MYOM2: variants seen among roughly 807,000 people sequenced by gnomAD.
MYOM2 encodes the protein myomesin-2.
Under a neutral mutation model 187.6 loss-of-function variants are expected in MYOM2, and 254 were observed. The observed-to-expected ratio is 1.35, with a 90% confidence interval of 1.22 to 1.50. MYOM2 has a LOEUF of 1.50. Ranked by LOEUF, MYOM2 falls within the 40% of genes most tolerant of loss-of-function variation. The pLI, the probability that MYOM2 is intolerant of heterozygous loss-of-function variation, is 0.00. For synonymous variants in MYOM2, 981 were observed against 753.8 expected, an observed-to-expected ratio of 1.30 and a Z score of -4.94; for missense variants, 2,796 against 1,924.0, an observed-to-expected ratio of 1.45 and a Z score of -8.48.
At chr8:2,076,050 A>C in intron 10 of MYOM2, 91 bp from the exon 11 acceptor site, 1 of 1,255,236 alleles carries the variant, frequency 8.0e-7, no homozygotes, top group Non-Finnish European at 1.1e-6. Context: ...TCAAGGGGAT[A>C]GAATTGGAGC....
Position 2,143,454 on chromosome 8 carries a change from A to C in MYOM2, c.4078A>C (p.Lys1360Gln), listed in dbSNP as rs1798349645. 1 of 1,613,846 alleles carries C rather than the reference A, an allele frequency of 6.2e-7. No homozygotes were observed. The highest frequency in any genetic ancestry group is 1.3e-5 in the African/African-American group (1 of 74,830). ...TGACGTGGTGACCATCATGGAAGGG[A>C]AGGTGAGGATTCTAAACTCGGCCGG... ...LPDVVTIMEG[K>Q]TLNLTCTVFG... is the part of the protein sequence containing the mutation. The change falls in exon 36 of 37, where the codon AAG (lysine) becomes CAG (glutamine). Residue 1360 changes from lysine (K) to glutamine (Q), a missense_variant and splice_region_variant. Physicochemically the swap from Lys to Gln is moderately conservative, Grantham distance 53. Transcript: ENST00000262113.
chr8:2,141,029 CT>C, intron 33 of MYOM2, 111 bp from the exon 34 acceptor site: 11 of 1,318,956 alleles, frequency 8.3e-6, no homozygotes, highest in Non-Finnish European at 1.0e-5. Context: ...TAAATTTATT[CT>C]TTTTTTATAT....
At chr8:2,104,306 T>C (rs1023556674) in intron 21 of MYOM2, among the ~76,000 whole-genome samples, 6 of 152,160 alleles carry the variant, frequency 3.9e-5, no homozygotes, top group African/African-American at 1.4e-4. Flanking sequence ...TAATTGTTTT[T>C]AAAAGTTTAT....
At chr8:2,118,061 G>C (rs1797307357) in intron 28 of MYOM2, 109 bp downstream of exon 28, 3 of 929,834 alleles carry the variant, frequency 3.2e-6, no homozygotes, top group East Asian at 5.0e-5. Flanking sequence ...GTGAGGAAAC[G>C]TGTGGTGCCT....
chr8:2,095,407 T>C (rs980370681), intron 17 of MYOM2, among the ~76,000 whole-genome samples: 5 of 151,698 alleles, frequency 3.3e-5, no homozygotes, highest in Admixed American at 1.3e-4. Flanking sequence ...TCCTCATGCC[T>C]CAGCCTCCTG....
chr8:2,140,324 G>A (rs765736778), intron 32 of MYOM2, among the ~76,000 whole-genome samples: 2 of 151,972 alleles, frequency 1.3e-5, no homozygotes, highest in Non-Finnish European at 2.9e-5. Flanking sequence ...GGTCGTGAAC[G>A]ATACTACGAA....
intron 16 of MYOM2, among the ~76,000 whole-genome samples, 200 bp downstream of exon 16, chr8:2,092,720 C>G (rs189548678): frequency 1.3e-5 from 2 of 151,806 alleles, no homozygotes; most frequent in African/African-American, 4.8e-5. Context: ...TCATGTCGAC[C>G]GAAACGATTT....
intron 25 of MYOM2, 115 bp from the exon 26 acceptor site, chr8:2,115,845 T>G (rs549971723): frequency 2.7e-5 from 33 of 1,209,186 alleles, no homozygotes; most frequent in Non-Finnish European, 3.7e-5. Context: ...CATTTTGGTT[T>G]CTTCCTATCA....
intron 25 of MYOM2, among the ~76,000 whole-genome samples, chr8:2,112,069 C>G (rs1170863398): frequency 6.6e-6 from 1 of 152,156 alleles, no homozygotes; most frequent in African/African-American, 2.4e-5. Flanking sequence ...CTGTTGGGAG[C>G]TTGGGCGGTC....
At chr8:2,131,019 A>C (rs972026743) in intron 32 of MYOM2, among the ~76,000 whole-genome samples, 1 of 152,182 alleles carries the variant, frequency 6.6e-6, no homozygotes, top group Non-Finnish European at 1.5e-5. Flanking sequence ...AAACACGTTC[A>C]TCTTCTGGGA....
intron 3 of MYOM2, among the ~76,000 whole-genome samples, chr8:2,057,054 C>T (rs946005562): frequency 2.0e-5 from 3 of 152,194 alleles, no homozygotes; most frequent in Admixed American, 6.5e-5. Context: ...AAGCGGTTTG[C>T]AGTTGTGCAC....
chr8:2,054,688 G>A (rs958006129), intron 3 of MYOM2, among the ~76,000 whole-genome samples: 5 of 152,154 alleles, frequency 3.3e-5, no homozygotes, highest in Admixed American at 6.6e-5. Context: ...AAAAGTAAAC[G>A]GTGTCAAGAG....
intron 14 of MYOM2, among the ~76,000 whole-genome samples, chr8:2,086,442 CCT>C (rs1299480724): frequency 6.9e-5 from 10 of 144,622 alleles, no homozygotes; most frequent in African/African-American, 2.8e-4. Context: ...TGCGTGGCCC[CCT>C]ACTGTCGTGA....
chr8:2,081,556 C>T (rs11996365), intron 13 of MYOM2, among the ~76,000 whole-genome samples: 14,767 of 152,258 alleles, frequency 0.097, 794 homozygotes, highest in African/African-American at 0.14. Context: ...CAAAAATGAC[C>T]CACGGTGAGA....
At chr8:2,108,973 T>G (rs1353537673) in intron 24 of MYOM2, 143 bp downstream of exon 24, 2 of 792,958 alleles carry the variant, frequency 2.5e-6, no homozygotes, top group Non-Finnish European at 4.1e-6. Flanking sequence ...TTGAAACCTA[T>G]TGATTTAAAA....
chr8:2,097,086 G>A (rs1376812342), intron 18 of MYOM2: 42 of 978,572 alleles, frequency 4.3e-5, no homozygotes, highest in Non-Finnish European at 4.7e-5. Flanking sequence ...ACTGTGGGGA[G>A]CCACAGACCT....
intron 31 of MYOM2, among the ~76,000 whole-genome samples, chr8:2,127,197 C>G (rs558854271): frequency 8.5e-5 from 13 of 152,212 alleles, no homozygotes; most frequent in African/African-American, 2.4e-4. Flanking sequence ...AGTTCCCAAG[C>G]TCTTTTTCAA....
At chr8:2,065,063 A>G (rs530911740) in intron 6 of MYOM2, among the ~76,000 whole-genome samples, 2 of 152,380 alleles carry the variant, frequency 1.3e-5, no homozygotes, top group South Asian at 2.1e-4. Context: ...GATTAACATT[A>G]TATGATAAAA....
rs78386557 is a variant in MYOM2 at position 2,111,048 on chromosome 8, T to C, written c.3180+1517T>C. 1.9e-3 allele frequency among the ~76,000 whole-genome samples: 293 copies of C among 152,318 alleles called. 1 individual carries two copies. In the East Asian group the frequency reaches 0.019, roughly 10 times the overall value. ...ATCCAGGTAATTGGAGAAATCTTCT[T>C]TGAGCAGAGACCATGCTATGAAATG... On this transcript the variant is annotated intron_variant, in intron 25 of 36. Transcript: ENST00000262113.
Sources: allele counts gnomAD v4.1 joint callset (sites outside exome capture counted in the v4.1 genomes callset), GRCh38; gene constraint gnomAD v4.1.1; transcripts MANE v1.5; gene names NCBI Gene and HGNC (gene_info 2026-07-23, HGNC 2026-07-21).